The following NEO1 variants were observed in gnomAD, a reference collection of about 807,000 sequenced individuals.
NEO1 encodes the protein neogenin.
A neutral mutation model predicts 159.7 loss-of-function variants in NEO1; 63 were observed. The observed-to-expected ratio is 0.39, with a 90% CI of 0.32 to 0.49. The LOEUF (loss-of-function observed/expected upper bound fraction) is 0.49. Among genes scored for constraint, NEO1 ranks in the 20% least tolerant of loss-of-function variants. The pLI, the probability that NEO1 is intolerant of heterozygous loss-of-function variation, is 0.85. For missense variants in NEO1, 1,615 were observed against 1,831.0 expected, an observed-to-expected ratio of 0.88 and a Z score of 2.15; for synonymous variants, 633 against 662.0, an observed-to-expected ratio of 0.96 and a Z score of 0.67.
intron 1 of NEO1, among the ~76,000 whole-genome samples, chr15:73,096,109 G>A (rs1021243848): frequency 2.0e-5 from 3 of 152,104 alleles, no homozygotes; most frequent in Admixed American, 6.6e-5. Context: ...ACAAAACAGC[G>A]TTGAAGATGA....
intron 8 of NEO1, among the ~76,000 whole-genome samples, chr15:73,242,041 G>A (rs1409538485): frequency 6.6e-6 from 1 of 152,110 alleles, no homozygotes; most frequent in East Asian, 1.9e-4. Flanking sequence ...ATTCTGCTAC[G>A]TGCTTCTGTC....
intron 7 of NEO1, among the ~76,000 whole-genome samples, chr15:73,200,234 G>A (rs2036783836): frequency 6.6e-6 from 1 of 152,044 alleles, no homozygotes; most frequent in South Asian, 2.1e-4. Context: ...GGCTATTCAG[G>A]TATTCAGGTT....
At chr15:73,123,586 G>T (rs1364369746) in intron 3 of NEO1, among the ~76,000 whole-genome samples, 2 of 152,074 alleles carry the variant, frequency 1.3e-5, no homozygotes, top group Non-Finnish European at 2.9e-5. Context: ...TTCTTTTTGT[G>T]TGTCTTCTCA....
At chr15:73,180,785 T>A (rs1383438062) in intron 7 of NEO1, among the ~76,000 whole-genome samples, 1 of 152,188 alleles carries the variant, frequency 6.6e-6, no homozygotes, top group Non-Finnish European at 1.5e-5. Flanking sequence ...GCTGATGAAA[T>A]TTTTTAGTGA....
chr15:73,287,955 T>G (rs1364387494), intron 23 of NEO1, among the ~76,000 whole-genome samples: 2 of 152,228 alleles, frequency 1.3e-5, no homozygotes, highest in Admixed American at 6.5e-5. Context: ...ATTGTTATGT[T>G]TCTACATTGC....
chr15:73,250,885 G>C (rs540762549), intron 11 of NEO1, among the ~76,000 whole-genome samples: 52 of 152,146 alleles, frequency 3.4e-4, no homozygotes, highest in Middle Eastern at 6.8e-3. Flanking sequence ...GTAAATATTA[G>C]ATATGTTATT....
chr15:73,052,495 C>A lies in NEO1; in HGVS notation c.-181C>A. The A allele has an allele frequency of 5.5e-6, 1 of 181,414 alleles. No individual in the cohort carries two copies. The highest frequency in any genetic ancestry group is 1.9e-4 in the South Asian group (1 of 5,226). The allele number at this position is 181,414 out of a possible 1,614,324, so 11.2% of individuals were successfully genotyped here. A position where few individuals can be genotyped will look rare whatever the true frequency, so the allele number is the denominator to read the frequency against. Reference sequence around the variant, plus strand: ...CCGCCCCCTTGCAGGAGGGAGGCGCCCTGGAGTCTCCCCTCCAGCGAGAGG... The same window carrying A: ...CCGCCCCCTTGCAGGAGGGAGGCGCACTGGAGTCTCCCCTCCAGCGAGAGG... On this transcript the variant is annotated 5_prime_UTR_variant, in exon 1 of 29. Transcript: ENST00000261908.
intron 7 of NEO1, among the ~76,000 whole-genome samples, chr15:73,226,628 G>A (rs1188522924): frequency 6.6e-6 from 1 of 152,038 alleles, no homozygotes. Flanking sequence ...AATATTCTGT[G>A]GAAGTATACT....
chr15:73,279,365 T>TTTTTTTTTTTTTTTTA (rs2041583771), intron 22 of NEO1, among the ~76,000 whole-genome samples: 2 of 147,634 alleles, frequency 1.4e-5, no homozygotes, highest in East Asian at 2.0e-4. Context: ...TTTTTTTTTT[T>TTTTTTTTTTTTTTTTA]TGAGATGGAA....
intron 7 of NEO1, among the ~76,000 whole-genome samples, chr15:73,209,871 G>T (rs561835327): frequency 6.1e-4 from 93 of 152,060 alleles, no homozygotes; most frequent in African/African-American, 2.1e-3. Flanking sequence ...GCTGGGCGTG[G>T]GTGGCAGGCG....
At chr15:73,279,364 T>TTTTTTTTTTTTTTTTTA (rs2041583446) in intron 22 of NEO1, among the ~76,000 whole-genome samples, 1 of 147,198 alleles carries the variant, frequency 6.8e-6, no homozygotes. Context: ...TTTTTTTTTT[T>TTTTTTTTTTTTTTTTTA]TTGAGATGGA....
chr15:73,084,571 C>G (rs2069247656), intron 1 of NEO1, among the ~76,000 whole-genome samples: 1 of 152,004 alleles, frequency 6.6e-6, no homozygotes, highest in Non-Finnish European at 1.5e-5. Flanking sequence ...GGGTAAATTC[C>G]ACGTCTTGGC....
In NEO1 at chr15:73,107,238, A is replaced by G. The variant is rs540481398; in HGVS notation, c.131-9302A>G. On this transcript the variant is annotated intron_variant, in intron 1 of 28. Transcript: ENST00000261908. ...GTTGCTTTTTCTTTGTAATACAAATACATCTCTCCCACAGAAGCCTATGTA... is the reference window on the plus strand; with the variant it reads ...GTTGCTTTTTCTTTGTAATACAAATGCATCTCTCCCACAGAAGCCTATGTA... 5.7e-4 allele frequency among the ~76,000 whole-genome samples: 87 copies of G among 152,356 alleles called. 1 individual carries two copies. The highest frequency in any genetic ancestry group is 2.0e-3 in the African/African-American group (83 of 41,592).
intron 26 of NEO1, among the ~76,000 whole-genome samples, chr15:73,295,410 G>T (rs2042324778): frequency 6.6e-6 from 1 of 151,654 alleles, no homozygotes; most frequent in African/African-American, 2.4e-5. Flanking sequence ...TGCCTGAGTG[G>T]ATGGCAGGCA....
chr15:73,174,185 A>G (rs2151944629), intron 5 of NEO1, among the ~76,000 whole-genome samples: 1 of 152,342 alleles, frequency 6.6e-6, no homozygotes, highest in East Asian at 1.9e-4. Flanking sequence ...AATAGTAAAT[A>G]TAGGGATTAG....
Position 73,272,499 on chromosome 15 carries a change from G to A in NEO1, c.2902G>A (p.Gly968Arg), listed in dbSNP as rs201909620. 6.2e-7 allele frequency: 1 copy of A among 1,614,052 alleles called. No individual in the cohort carries two copies. The highest frequency in any genetic ancestry group is 8.5e-7 in the Non-Finnish European group (1 of 1,179,948). ...PKDVTVVSKE[G>R]KPKTIIVNWQ... ...GGATGTGACTGTTGTGAGTAAAGAG[G>A]GGAAACCTAAGACCATAATTGTGAA... Residue 968 changes from glycine (G) to arginine (R), a missense_variant, in exon 19 of 29, where the codon GGG becomes AGG. Physicochemically the swap from Gly to Arg is moderately radical, Grantham distance 125. Coordinates refer to ENST00000261908, the MANE Select transcript of NEO1 (RefSeq NM_002499.4).
intron 7 of NEO1, among the ~76,000 whole-genome samples, chr15:73,183,694 A>G (rs2035751446): frequency 6.6e-6 from 1 of 152,168 alleles, no homozygotes; most frequent in Non-Finnish European, 1.5e-5. Flanking sequence ...GGAAAGGTCA[A>G]GAGCACAGAG....
At chr15:73,196,546 T>C (rs913451848) in intron 7 of NEO1, among the ~76,000 whole-genome samples, 1 of 152,264 alleles carries the variant, frequency 6.6e-6, no homozygotes, top group African/African-American at 2.4e-5. Flanking sequence ...TCAAAACATG[T>C]AGCCTTGGCT....
rs562744186 is a variant in NEO1, at chr15:73,217,567, G to A, written c.1292-18780G>A. On this transcript the variant is annotated intron_variant, in intron 7 of 28. Coordinates refer to ENST00000261908, the MANE Select transcript of NEO1 (RefSeq NM_002499.4). The stretch of plus-strand genomic sequence containing the variant: ...TTGATTCTTCCTATCCATGAGCATG[G>A]AATGTTCTTCCATTTGTTTGTATCC... 5.3e-4 allele frequency among the ~76,000 whole-genome samples: 80 copies of A among 152,300 alleles called. 2 individuals carry two copies. The South Asian group carries it at 0.016, about 30-fold the overall frequency.
Sources: gnomAD v4.1 joint callset for allele counts (sites outside exome capture counted in the v4.1 genomes callset) on GRCh38, gnomAD v4.1.1 for gene constraint, MANE v1.5 for transcripts, NCBI Gene and HGNC (gene_info 2026-07-23, HGNC 2026-07-21) for gene names.